PTPRS: variants seen among roughly 807,000 people sequenced by gnomAD.
PTPRS encodes protein tyrosine phosphatase receptor type S.
In PTPRS, 63 loss-of-function variants were observed where a neutral mutation model predicts 215.3. The observed-to-expected ratio is 0.29, with a 90% confidence interval of 0.24 to 0.36. The LOEUF is 0.36. Ranked by LOEUF, PTPRS falls within the 10% of genes least tolerant of loss-of-function variation. The pLI, the probability that PTPRS is intolerant of heterozygous loss-of-function variation, is 1.00. For missense variants in PTPRS, 2,258 were observed against 2,825.8 expected (o/e 0.80, Z 4.56); for synonymous variants, 1,404 against 1,191.4 (o/e 1.18, Z -3.68).
chr19:5,206,837 C>T lies in PTPRS; in HGVS notation c.5784G>A (p.Glu1928=), dbSNP rs2040400940. 2 of 1,614,106 alleles carry T rather than the reference C, an allele frequency of 1.2e-6. No individual in the cohort carries two copies. The highest frequency in any genetic ancestry group is 1.3e-5 in the African/African-American group (1 of 75,054). Residue 1928 remains glutamate, a synonymous_variant, in exon 38 of 38, where the codon GAG becomes GAA. Coordinates refer to ENST00000262963, the MANE Select transcript of PTPRS (RefSeq NM_002850.4). ...QRPAMVQTED[E]YQFCYQAALE... Reference sequence around the variant, plus strand: ...GTGCCGCCTGGTAACAGAACTGGTACTCATCCTGGGGGAGCAGAGGTGACC... The same window carrying T: ...GTGCCGCCTGGTAACAGAACTGGTATTCATCCTGGGGGAGCAGAGGTGACC...
At position 5,208,332 on chromosome 19, in the gene PTPRS, C is replaced by T. The variant is rs780455147; in HGVS notation, c.5547G>A (p.Val1849=). The T allele has an allele frequency of 8.1e-6, 13 of 1,613,794 alleles. No homozygotes were observed. The African/African-American group carries it at 1.3e-4, about 17-fold the overall frequency. Residue 1849 remains valine, a synonymous_variant, in exon 36 of 38, where the codon GTG becomes GTA. Coordinates refer to ENST00000262963, the MANE Select transcript of PTPRS (RefSeq NM_002850.4). ...CGATGAAGCCCTCCCCCGACTTTGG[C>T]ACACCCTGTTCCGGCCAGTCTGTGA... ...FQFTDWPEQG[V]PKSGEGFIDF...
chr19:5,266,647 G>C (rs554701237), intron 4 of PTPRS, among the ~76,000 whole-genome samples: 1 of 152,158 alleles, frequency 6.6e-6, no homozygotes, highest in Admixed American at 6.5e-5. Context: ...TTACAGGTGT[G>C]AGCCACAGCC....
chr19:5,296,547 G>T (rs1273469743), intron 1 of PTPRS, among the ~76,000 whole-genome samples: 1 of 151,774 alleles, frequency 6.6e-6, no homozygotes, highest in Non-Finnish European at 1.5e-5. Flanking sequence ...GAGAGGGGAG[G>T]TGACATGCGA....
At position 5,211,578 on chromosome 19, in the gene PTPRS, C is replaced by A; in HGVS notation, c.5234+12G>T. Reference sequence around the variant, plus strand: ...TTCTGGGGCCCTGAGGTGGGAAAGGCATGGCACCTACCTGTAGCCATCAAT... The same window carrying A: ...TTCTGGGGCCCTGAGGTGGGAAAGGAATGGCACCTACCTGTAGCCATCAAT... On this transcript the variant is annotated intron_variant, in intron 33 of 37. Transcript: ENST00000262963. 6.3e-7 allele frequency: 1 copy of A among 1,599,064 alleles called. No individual in the cohort carries two copies. The highest frequency in any genetic ancestry group is 8.6e-7 in the Non-Finnish European group (1 of 1,167,754).
chr19:5,236,745 C>T (rs926440044), intron 13 of PTPRS, among the ~76,000 whole-genome samples: 6 of 151,948 alleles, frequency 3.9e-5, no homozygotes, highest in African/African-American at 1.5e-4. Context: ...ACATTAGAGG[C>T]CCCTCCTCCA....
intron 13 of PTPRS, 145 bp from the exon 14 acceptor site, chr19:5,231,760 A>C: frequency 1.1e-4 from 20 of 183,580 alleles, no homozygotes; most frequent in Admixed American, 1.5e-4. Flanking sequence ...GAGAAGTCGA[A>C]CCCAAAAGAA....
intron 1 of PTPRS, among the ~76,000 whole-genome samples, chr19:5,305,537 A>G (rs188637534): frequency 6.6e-6 from 1 of 151,356 alleles, no homozygotes; most frequent in Non-Finnish European, 1.5e-5. Context: ...ACAGAGAATG[A>G]GACCCTATCT....
intron 6 of PTPRS, among the ~76,000 whole-genome samples, chr19:5,261,880 T>G (rs2046021248): frequency 6.6e-6 from 1 of 152,220 alleles, no homozygotes; most frequent in Non-Finnish European, 1.5e-5. Flanking sequence ...GAAGTTTGCC[T>G]AAAGTTACAC....
intron 11 of PTPRS, among the ~76,000 whole-genome samples, chr19:5,241,039 G>A (rs1052776186): frequency 8.1e-5 from 12 of 147,758 alleles, no homozygotes; most frequent in Non-Finnish European, 1.6e-4. Flanking sequence ...ACAGGCACCC[G>A]CCACCACGCC....
intron 1 of PTPRS, among the ~76,000 whole-genome samples, chr19:5,303,642 G>C (rs922590265): frequency 5.9e-5 from 9 of 151,982 alleles, no homozygotes; most frequent in Admixed American, 5.3e-4. Flanking sequence ...GAGTGAGCAG[G>C]GGCAGGATTT....
chr19:5,253,719 A>C, intron 9 of PTPRS, among the ~76,000 whole-genome samples: 1 of 152,238 alleles, frequency 6.6e-6, no homozygotes, highest in South Asian at 2.1e-4. Context: ...TATTTTTAAA[A>C]GTTTCCCATA....
Position 5,245,782 on chromosome 19 carries a change from C to A in PTPRS, c.982G>T (p.Val328Leu). 1.3e-6 allele frequency: 2 copies of A among 1,595,830 alleles called. No homozygotes were observed. Among genetic ancestry groups the A allele is most frequent in the South Asian group, 1.1e-5 (1 of 88,100 alleles). Residue 328 changes from valine to leucine, a missense_variant, in exon 10 of 38, where the codon GTG becomes TTG. Transcript: ENST00000262963. ...CCCCATGGGCCCTGCTCACATTTCA[C>A]CGTGATCTGAGCAACCGCCTCAATG... is the stretch of plus-strand genomic sequence containing the variant. Reference protein sequence around the residue: ...GVIEAVAQITVKSLPKAPGTP... With the variant: ...GVIEAVAQITLKSLPKAPGTP...
chr19:5,247,750 C>G (rs2146030301), intron 9 of PTPRS, among the ~76,000 whole-genome samples: 1 of 151,986 alleles, frequency 6.6e-6, no homozygotes, highest in Admixed American at 6.5e-5. Flanking sequence ...AGGGAGGTGG[C>G]CCCAACTCCC....
chr19:5,212,272 G>T (rs200069663), intron 31 of PTPRS, 22 bp from the exon 32 acceptor site: 1 of 1,608,650 alleles, frequency 6.2e-7, no homozygotes, highest in African/African-American at 1.3e-5. Context: ...GCCACGTGGC[G>T]TTCAGGGGCT....
chr19:5,245,697 C>A, intron 10 of PTPRS, 79 bp downstream of exon 10: 2 of 1,489,422 alleles, frequency 1.3e-6, no homozygotes, highest in Non-Finnish European at 1.8e-6. Context: ...TGCTCCCACG[C>A]TGCCTCCCAC....
chr19:5,286,040 G>A lies in PTPRS; in HGVS notation c.91+10C>T, dbSNP rs1179346815. ...CGCAGACCCCTGCACATCCCGTGCC[G>A]GCTTCTTACCTTCTGCTGCACAGCC... On this transcript the variant is annotated intron_variant, in intron 2 of 37. Coordinates refer to ENST00000262963, the MANE Select transcript of PTPRS (RefSeq NM_002850.4). 5.0e-6 allele frequency: 8 copies of A among 1,611,082 alleles called. No individual in the cohort carries two copies. The highest frequency in any genetic ancestry group is 2.2e-5 in the East Asian group (1 of 44,756).
At chr19:5,297,674 G>A (rs1375682242) in intron 1 of PTPRS, among the ~76,000 whole-genome samples, 2 of 152,166 alleles carry the variant, frequency 1.3e-5, no homozygotes, top group Non-Finnish European at 2.9e-5. Context: ...TTTACACCTG[G>A]AGGAAGAGAG....
In PTPRS at chr19:5,237,415, T is replaced by G. The variant is rs937630811; in HGVS notation, c.1849+1504A>C. Among the ~76,000 whole-genome samples, 1 of 152,170 alleles carries G rather than the reference T, an allele frequency of 6.6e-6. No homozygotes were observed. Among genetic ancestry groups the G allele is most frequent in the Non-Finnish European group, 1.5e-5 (1 of 68,030 alleles). On this transcript the variant is annotated intron_variant, in intron 13 of 37. Coordinates refer to ENST00000262963, the MANE Select transcript of PTPRS (RefSeq NM_002850.4). This position sits in a 1 kb window ranked among gnomAD's most constrained non-coding sequence, Gnocchi z 4.2. The stretch of plus-strand genomic sequence containing the variant: ...TCCCTGTCCTGGGCCGCCCCGGAGG[T>G]TCGCGTGGCTGGGCCGAAGCCGCTT...
chr19:5,212,617 G>A, intron 30 of PTPRS, 126 bp from the exon 31 acceptor site: 2 of 1,129,546 alleles, frequency 1.8e-6, no homozygotes, highest in Admixed American at 2.2e-5. Flanking sequence ...GCCGAGGTGG[G>A]CGGATCACCT....
Sources: gnomAD v4.1 joint callset for allele counts (sites outside exome capture counted in the v4.1 genomes callset) on GRCh38, gnomAD v4.1.1 for gene constraint, Gnocchi (gnomAD v3.1) non-coding constraint, MANE v1.5 for transcripts, NCBI Gene and HGNC (gene_info 2026-07-23, HGNC 2026-07-21) for gene names.